CAMTA1: variants seen among roughly 807,000 people sequenced by gnomAD.
The protein encoded by CAMTA1 is calmodulin binding transcription activator 1.
Under a neutral mutation model 170.9 loss-of-function variants are expected in CAMTA1, and 27 were observed. The observed-to-expected ratio is 0.16, with a 90% CI of 0.12 to 0.22. The LOEUF (loss-of-function observed/expected upper bound fraction) is 0.22, where lower values mean the gene tolerates loss of function less well. Ranked by LOEUF, CAMTA1 falls within the 10% of genes least tolerant of loss-of-function variation. The pLI, the probability that CAMTA1 is intolerant of heterozygous loss-of-function variation, is 1.00. For synonymous variants in CAMTA1, 833 were observed against 891.5 expected (o/e 0.93, Z 1.17); for missense variants, 1,619 against 2,217.2 (o/e 0.73, Z 5.42).
chr1:7,005,203 GA>G (rs1698806189), intron 3 of CAMTA1, among the ~76,000 whole-genome samples: 1 of 152,202 alleles, frequency 6.6e-6, no homozygotes, highest in East Asian at 1.9e-4. Flanking sequence ...TCTCACCTGG[GA>G]AATTCTTAGC....
chr1:7,669,529 T>C (rs1332210375), intron 9 of CAMTA1, among the ~76,000 whole-genome samples: 1 of 152,112 alleles, frequency 6.6e-6, no homozygotes, highest in East Asian at 1.9e-4. Context: ...GGCACGGAGT[T>C]GGGGGGTAGG....
chr1:7,424,682 G>A (rs983437020), intron 5 of CAMTA1, among the ~76,000 whole-genome samples: 3 of 152,148 alleles, frequency 2.0e-5, no homozygotes, highest in African/African-American at 4.8e-5. Context: ...CTACAGTTGA[G>A]TCATGCTCCA....
chr1:7,226,580 G>A (rs1180280288), intron 4 of CAMTA1, among the ~76,000 whole-genome samples: 2 of 152,152 alleles, frequency 1.3e-5, no homozygotes, highest in African/African-American at 4.8e-5. Context: ...GAGATAGCCA[G>A]GGTCAAGGTT....
chr1:7,736,482 C>G lies in CAMTA1; in HGVS notation c.3205C>G (p.Leu1069Val). 1 of 1,614,200 alleles carries G rather than the reference C, an allele frequency of 6.2e-7. No homozygotes were observed. Among genetic ancestry groups the G allele is most frequent in the Non-Finnish European group, 8.5e-7 (1 of 1,180,044 alleles). ...AAAGACTTTCCGCGGAATGACCCTACTCCACCTGGCCGCTGCCCAGGGCTA... is the reference window on the plus strand; with the variant it reads ...AAAGACTTTCCGCGGAATGACCCTAGTCCACCTGGCCGCTGCCCAGGGCTA... ...HSKTFRGMTL[L>V]HLAAAQGYAT... The change falls in exon 13 of 23, where the codon CTC (leucine) becomes GTC (valine). Residue 1069 changes from leucine to valine, a missense_variant. This residue lies in a region of CAMTA1 where 60 missense variants were observed against 128.5 expected (regional missense o/e 0.47). Transcript: ENST00000303635. This position sits in a 1 kb window ranked among gnomAD's most constrained non-coding sequence, Gnocchi z 4.5.
At chr1:7,679,134 C>T (rs1363995627) in intron 11 of CAMTA1, among the ~76,000 whole-genome samples, 1 of 152,232 alleles carries the variant, frequency 6.6e-6, no homozygotes, top group Non-Finnish European at 1.5e-5. Context: ...GTGATGACCA[C>T]CCACAGGATG....
chr1:7,240,326 T>A (rs774200425), intron 4 of CAMTA1, among the ~76,000 whole-genome samples: 16 of 152,232 alleles, frequency 1.1e-4, no homozygotes, highest in Admixed American at 2.0e-4. Flanking sequence ...TTTCTTTTTT[T>A]ATTTTTTTAG....
At chr1:7,342,443 G>A (rs536053950) in intron 5 of CAMTA1, among the ~76,000 whole-genome samples, 73 of 152,280 alleles carry the variant, frequency 4.8e-4, no homozygotes, top group African/African-American at 1.3e-3. Context: ...GGTTTCCTGT[G>A]TGGGAATTGA....
At chr1:7,273,174 G>C (rs1670103339) in intron 5 of CAMTA1, among the ~76,000 whole-genome samples, 1 of 152,210 alleles carries the variant, frequency 6.6e-6, no homozygotes, top group South Asian at 2.1e-4. Flanking sequence ...TGGTGCTGCT[G>C]TGGAAAACAT....
intron 7 of CAMTA1, among the ~76,000 whole-genome samples, chr1:7,657,021 G>A (rs571040578): frequency 7.2e-5 from 11 of 152,330 alleles, no homozygotes; most frequent in East Asian, 1.9e-4. Context: ...CCCTGTCCGC[G>A]AGAATGCAGT....
intron 5 of CAMTA1, among the ~76,000 whole-genome samples, chr1:7,466,698 T>G (rs927684518): frequency 2.0e-5 from 3 of 152,160 alleles, no homozygotes; most frequent in African/African-American, 7.2e-5. Context: ...TCCTCCCCTC[T>G]ATGCCCCACC....
Position 6,997,656 on chromosome 1 carries a change from C to CTTTTTT in CAMTA1, c.235-93645_235-93644insTTTTTT, listed in dbSNP as rs201500847. Among the ~76,000 whole-genome samples the CTTTTTT allele has an allele frequency of 7.2e-3, 925 of 128,054 alleles. 43 individuals carry two copies. The highest frequency in any genetic ancestry group is 0.022 in the African/African-American group (653 of 30,214). 84.0% of individuals were successfully genotyped at this position (128,054 alleles called of 152,430 possible). A position where few individuals can be genotyped will look rare whatever the true frequency, so the allele number is the denominator to read the frequency against. ...CTGTTTTCCATATTTCCTTTCTTTT[C>CTTTTTT]TTTCTTTTTTTTTTTTTTTTTGAGA... On this transcript the variant is annotated intron_variant, in intron 3 of 22. Coordinates refer to ENST00000303635, the MANE Select transcript of CAMTA1 (RefSeq NM_015215.4).
chr1:7,590,445 T>G (rs1335992217), intron 6 of CAMTA1, among the ~76,000 whole-genome samples: 4 of 152,228 alleles, frequency 2.6e-5, no homozygotes, highest in Non-Finnish European at 5.9e-5. Context: ...CAGGCCCCGC[T>G]GGCTCTTCAG....
intron 5 of CAMTA1, among the ~76,000 whole-genome samples, chr1:7,279,957 G>A (rs1671275816): frequency 1.3e-5 from 2 of 152,190 alleles, no homozygotes; most frequent in Admixed American, 1.3e-4. Flanking sequence ...AGAGGGAGTG[G>A]CCTCTATGCC....
chr1:7,491,496 T>C (rs1223193410), intron 6 of CAMTA1, among the ~76,000 whole-genome samples: 1 of 152,208 alleles, frequency 6.6e-6, no homozygotes, highest in Non-Finnish European at 1.5e-5. Context: ...GATTGTCCAA[T>C]TGCTTAAAAC....
At chr1:6,914,442 A>G (rs921495241) in intron 3 of CAMTA1, among the ~76,000 whole-genome samples, 4 of 152,206 alleles carry the variant, frequency 2.6e-5, no homozygotes, top group African/African-American at 4.8e-5. Flanking sequence ...TGCACTTGAT[A>G]TATTTAACAG....
At chr1:7,465,760 T>C (rs1309770555) in intron 5 of CAMTA1, among the ~76,000 whole-genome samples, 1 of 152,082 alleles carries the variant, frequency 6.6e-6, no homozygotes, top group Non-Finnish European at 1.5e-5. Context: ...ACACAGTTGG[T>C]GTTTGGGAAA....
chr1:7,676,002 C>G (rs1398676661), intron 10 of CAMTA1, among the ~76,000 whole-genome samples: 1 of 152,132 alleles, frequency 6.6e-6, no homozygotes, highest in Non-Finnish European at 1.5e-5. Flanking sequence ...AAGAGGCCAT[C>G]CCCCCCGACC....
chr1:7,661,885 G>C lies in CAMTA1; in HGVS notation c.805+19G>C. 6.3e-7 allele frequency: 1 copy of C among 1,588,090 alleles called. No homozygotes were observed. The highest frequency in any genetic ancestry group is 8.6e-7 in the Non-Finnish European group (1 of 1,167,274). ...AGCCTGGGTGAGCCGGGGCTCCCGG[G>C]GCAGGCGGGCGCCACGGGGACAGAG... On this transcript the variant is annotated intron_variant, in intron 8 of 22. Coordinates refer to ENST00000303635, the MANE Select transcript of CAMTA1 (RefSeq NM_015215.4).
At chr1:7,384,942 C>A (rs1214866175) in intron 5 of CAMTA1, among the ~76,000 whole-genome samples, 1 of 152,110 alleles carries the variant, frequency 6.6e-6, no homozygotes, top group Admixed American at 6.5e-5. Flanking sequence ...GGGGATGGGC[C>A]CAGGACTCAC....
Sources: allele counts gnomAD v4.1 joint callset (sites outside exome capture counted in the v4.1 genomes callset), GRCh38; gene constraint gnomAD v4.1.1; regional missense constraint gnomAD v4.1.1; non-coding constraint Gnocchi (gnomAD v3.1); transcripts MANE v1.5; gene names NCBI Gene and HGNC (gene_info 2026-07-23, HGNC 2026-07-21).